The following GRM7 variants were observed in gnomAD, a reference collection of about 807,000 sequenced individuals.
GRM7 encodes the protein metabotropic glutamate receptor 7.
GRM7 carries 35 observed loss-of-function variants against 84.5 expected under a neutral mutation model. The observed-to-expected ratio is 0.41, with a 90% CI of 0.32 to 0.55. The LOEUF (loss-of-function observed/expected upper bound fraction) is 0.55, where lower values mean the gene tolerates loss of function less well. Ranked by LOEUF, GRM7 falls within the 20% of genes least tolerant of loss-of-function variation. The pLI, the probability that GRM7 is intolerant of heterozygous loss-of-function variation, is 0.19. For synonymous variants in GRM7, 487 were observed against 455.1 expected, an observed-to-expected ratio of 1.07 and a Z score of -0.89; for missense variants, 1,003 against 1,194.6, an observed-to-expected ratio of 0.84 and a Z score of 2.36.
chr3:6,930,787 A>C (rs1202217115), intron 1 of GRM7, among the ~76,000 whole-genome samples: 1 of 152,218 alleles, frequency 6.6e-6, no homozygotes, highest in Non-Finnish European at 1.5e-5. Flanking sequence ...AGCAATAGGC[A>C]CTTGCAGATA....
intron 1 of GRM7, among the ~76,000 whole-genome samples, chr3:7,082,615 A>G (rs1559427306): frequency 2.0e-5 from 3 of 152,260 alleles, no homozygotes; most frequent in African/African-American, 7.2e-5. Context: ...TATAGCTGCC[A>G]TAGATAGTGC....
intron 7 of GRM7, among the ~76,000 whole-genome samples, chr3:7,462,018 T>C (rs1254068599): frequency 6.6e-6 from 1 of 152,188 alleles, no homozygotes; most frequent in African/African-American, 2.4e-5. Context: ...CACAAGATCC[T>C]TCTCTTGGTT....
At chr3:6,961,483 A>G (rs926863022) in intron 1 of GRM7, among the ~76,000 whole-genome samples, 5 of 152,246 alleles carry the variant, frequency 3.3e-5, no homozygotes, top group Admixed American at 2.0e-4. Context: ...AAAAATGCAC[A>G]AGCAGTACTG....
intron 7 of GRM7, among the ~76,000 whole-genome samples, chr3:7,475,943 C>T (rs756592581): frequency 6.6e-6 from 1 of 152,126 alleles, no homozygotes; most frequent in Admixed American, 6.6e-5. Flanking sequence ...ACTATTGATC[C>T]TTCTGTGAAA....
intron 2 of GRM7, among the ~76,000 whole-genome samples, chr3:7,258,823 A>G (rs1698303024): frequency 6.6e-6 from 1 of 152,216 alleles, no homozygotes; most frequent in South Asian, 2.1e-4. Context: ...ACTTGTGACA[A>G]ATCAGAAGGA....
intron 5 of GRM7, among the ~76,000 whole-genome samples, chr3:7,430,245 T>C (rs1469521099): frequency 4.6e-5 from 7 of 152,264 alleles, no homozygotes; most frequent in Admixed American, 4.6e-4. Context: ...ATTTTGGCCA[T>C]ATTCCTGTGG....
intron 1 of GRM7, among the ~76,000 whole-genome samples, chr3:6,990,106 C>T (rs1358834461): frequency 6.6e-6 from 1 of 152,202 alleles, no homozygotes; most frequent in Non-Finnish European, 1.5e-5. Context: ...CTATTTATGC[C>T]AGCAGGGGCT....
chr3:7,377,398 G>A (rs1375634865), intron 4 of GRM7, among the ~76,000 whole-genome samples: 1 of 152,148 alleles, frequency 6.6e-6, no homozygotes, highest in African/African-American at 2.4e-5. Context: ...CTTCTCTTTT[G>A]TAAAATGTTA....
In GRM7 at chr3:7,367,090, A is replaced by C. The variant is rs184847809; in HGVS notation, c.1034-47933A>C. Among the ~76,000 whole-genome samples the C allele has an allele frequency of 5.5e-3, 832 of 151,850 alleles. 6 individuals carry two copies. Among genetic ancestry groups the C allele is most frequent in the Non-Finnish European group, 7.5e-3 (510 of 67,782 alleles). ...GTTGTGCTAGTTAAGGTTTTCTTAG[A>C]GTTGGTTTGTCAATTTTTACATCAT... On this transcript the variant is annotated intron_variant, in intron 4 of 9. Coordinates refer to ENST00000357716, the MANE Select transcript of GRM7 (RefSeq NM_000844.4).
At chr3:7,146,007 A>G (rs1361859057) in intron 1 of GRM7, among the ~76,000 whole-genome samples, 1 of 152,208 alleles carries the variant, frequency 6.6e-6, no homozygotes, top group Non-Finnish European at 1.5e-5. Flanking sequence ...CAATCAATCG[A>G]TGTTAGATGG....
At chr3:7,552,146 G>A (rs1693507946) in intron 7 of GRM7, among the ~76,000 whole-genome samples, 1 of 152,214 alleles carries the variant, frequency 6.6e-6, no homozygotes, top group South Asian at 2.1e-4. Flanking sequence ...CCCCATGTAA[G>A]TCTGAAATCC....
chr3:7,282,409 A>G (rs1391361890), intron 2 of GRM7, among the ~76,000 whole-genome samples: 3 of 152,160 alleles, frequency 2.0e-5, no homozygotes, highest in African/African-American at 7.2e-5. Context: ...GCTCTCGCCT[A>G]TCCACAAACC....
At chr3:7,559,419 A>G (rs1172580964) in intron 7 of GRM7, 2 of 152,074 alleles carry the variant, frequency 1.3e-5, no homozygotes. Context: ...TATCTTTCAA[A>G]GCATAATTTC....
chr3:7,579,538 C>G (rs1025271841), intron 8 of GRM7, among the ~76,000 whole-genome samples, 181 bp downstream of exon 8: 1 of 152,110 alleles, frequency 6.6e-6, no homozygotes, highest in Non-Finnish European at 1.5e-5. Context: ...AACTGAGCCA[C>G]GTTCATTCCA....
chr3:7,259,902 C>T (rs1406033205), intron 2 of GRM7, among the ~76,000 whole-genome samples: 1 of 147,692 alleles, frequency 6.8e-6, no homozygotes, highest in African/African-American at 2.5e-5. Flanking sequence ...ACCTACGTGC[C>T]CACCAACAGT....
At chr3:7,031,406 TTTTATTTA>T (rs200421808) in intron 1 of GRM7, among the ~76,000 whole-genome samples, 1 of 150,076 alleles carries the variant, frequency 6.7e-6, no homozygotes, top group African/African-American at 2.5e-5. Flanking sequence ...ATTTTTTAAA[TTTTATTTA>T]TTTATTTATT....
Position 7,040,807 on chromosome 3 carries a change from G to C in GRM7, c.520-105645G>C, listed in dbSNP as rs980124233. ...TTTAAAAATGATGAGGTCAGGCCAG[G>C]TGCAGTGGCTCATGCCTGTAATCCC... On this transcript the variant is annotated intron_variant, in intron 1 of 9. Coordinates refer to ENST00000357716, the MANE Select transcript of GRM7 (RefSeq NM_000844.4). 6.6e-5 allele frequency among the ~76,000 whole-genome samples: 10 copies of C among 151,914 alleles called. No homozygotes were observed. The South Asian group carries it at 1.9e-3, about 28-fold the overall frequency.
intron 1 of GRM7, among the ~76,000 whole-genome samples, chr3:7,093,229 C>A (rs1362510902): frequency 6.6e-6 from 1 of 150,448 alleles, no homozygotes; most frequent in African/African-American, 2.5e-5. Flanking sequence ...AGTGAGGCAA[C>A]TAAGGCCCAG....
chr3:7,219,127 T>C (rs936137954), intron 2 of GRM7, among the ~76,000 whole-genome samples: 7 of 152,208 alleles, frequency 4.6e-5, no homozygotes, highest in Non-Finnish European at 7.3e-5. Flanking sequence ...AAGTTCATTG[T>C]TGCATACAGT....
Sources: allele counts gnomAD v4.1 joint callset (sites outside exome capture counted in the v4.1 genomes callset), GRCh38; gene constraint gnomAD v4.1.1; transcripts MANE v1.5; gene names NCBI Gene and HGNC (gene_info 2026-07-23, HGNC 2026-07-21).